Variants in UNKL observed in about 807,000 individuals in gnomAD.
UNKL encodes the protein putative E3 ubiquitin-protein ligase UNKL.
In UNKL, 60 loss-of-function variants were observed where a neutral mutation model predicts 78.0. The observed-to-expected ratio is 0.77, with a 90% confidence interval of 0.63 to 0.95. The LOEUF (loss-of-function observed/expected upper bound fraction) is 0.95. UNKL is among the 40% of genes least tolerant of loss of function. The probability of loss-of-function intolerance (pLI) is 0.00; values close to 1 mark genes in which losing one functional copy is unlikely to be tolerated. For synonymous variants in UNKL, 608 were observed against 474.8 expected (o/e 1.28, Z -3.65); for missense variants, 1,159 against 1,045.7 (o/e 1.11, Z -1.49).
rs759530166 is a variant in UNKL, at chr16:1,366,368, A to G, written c.2074T>C (p.Cys692Arg). The G allele has an allele frequency of 3.1e-6, 5 of 1,602,186 alleles. No homozygotes were observed. Among genetic ancestry groups the G allele is most frequent in the East Asian group, 2.2e-5 (1 of 44,516 alleles). The change falls in exon 15 of 15, where the codon TGT (cysteine) becomes CGT (arginine). Residue 692 changes from cysteine (C) to arginine (R), a missense_variant. Physicochemically the swap from Cys to Arg is radical, Grantham distance 180. Coordinates refer to ENST00000389221, the MANE Select transcript of UNKL (RefSeq NM_001372107.1). Reference sequence around the variant, plus strand: ...TGGGCCCGCTCCCGGCAGGCCACACACTGCTTGGCGCGGAGCTGGAAGATC... The same window carrying G: ...TGGGCCCGCTCCCGGCAGGCCACACGCTGCTTGGCGCGGAGCTGGAAGATC... ...GVIFQLRAKQ[C>R]VACRERAHGA...
At position 1,367,330 on chromosome 16, in the gene UNKL, C is replaced by A. The variant is rs1057365407; in HGVS notation, c.1808G>T (p.Arg603Leu). 66 of 1,545,772 alleles carry A rather than the reference C, an allele frequency of 4.3e-5. No homozygotes were observed. The highest frequency in any genetic ancestry group is 1.7e-4 in the Middle Eastern group (1 of 5,854). The change falls in exon 14 of 15, where the codon CGA becomes CTA. Residue 603 changes from arginine (R) to leucine (L), a missense_variant. Physicochemically the swap from Arg to Leu is moderately radical, Grantham distance 102. Coordinates refer to ENST00000389221, the MANE Select transcript of UNKL (RefSeq NM_001372107.1). ...ACGCTCCTTGGCCTCCTGCGCCTCT[C>A]GCTGCCAGGCATCGCAGACCTGAAA... ...QVKQVCDAWQ[R>L]EAQEAKERAR...
chr16:1,397,180 CG>C lies in UNKL; in HGVS notation c.849del (p.Glu284ArgfsTer35). 1 of 1,547,440 alleles carries C rather than the reference CG, an allele frequency of 6.5e-7. No homozygotes were observed. The highest frequency in any genetic ancestry group is 8.7e-7 in the Non-Finnish European group (1 of 1,146,936). The stretch of plus-strand genomic sequence containing the variant: ...CCTGGGGGGTTGGAGGGACGTACCT[CG>C]GGATGGAACTGCTGCTCCGTGCGGG... Reference protein sequence around the residue: ...CHSRTEQQFHPEIYKSTKCND... With the variant: ...CHSRTEQQFHXEIYKSTKCND... On this transcript the variant is annotated frameshift_variant, in exon 6 of 15. Coordinates refer to ENST00000389221, the MANE Select transcript of UNKL (RefSeq NM_001372107.1). LOFTEE classifies it high-confidence loss of function.
chr16:1,385,433 A>G, intron 9 of UNKL, 48 bp from the exon 10 acceptor site: 1 of 1,284,594 alleles, frequency 7.8e-7, no homozygotes, highest in East Asian at 3.2e-5. Context: ...TGCGTGGAGG[A>G]GGCAGCGCCA....
rs1042880412 is a variant in UNKL, at chr16:1,410,564, G to A, written c.287+3282C>T. ...AGAGGTTGCGGTGAGCCGAGATCAC[G>A]CCACTGCACTCCAGCCTGGGTGACA... On this transcript the variant is annotated intron_variant, in intron 2 of 14. Coordinates refer to ENST00000389221, the MANE Select transcript of UNKL (RefSeq NM_001372107.1). Among the ~76,000 whole-genome samples, 7 of 149,678 alleles carry A rather than the reference G, an allele frequency of 4.7e-5. No homozygotes were observed. In the East Asian group the frequency reaches 1.2e-3, roughly 26 times the overall value.
At chr16:1,380,527 A>C (rs2036561981) in intron 10 of UNKL, among the ~76,000 whole-genome samples, 1 of 151,898 alleles carries the variant, frequency 6.6e-6, no homozygotes, top group Non-Finnish European at 1.5e-5. Context: ...ACATGGACAG[A>C]GGAAAAAAGT....
chr16:1,366,514 G>A (rs2035266685), intron 14 of UNKL, 119 bp from the exon 15 acceptor site: 1 of 1,324,212 alleles, frequency 7.6e-7, no homozygotes, highest in Non-Finnish European at 1.0e-6. Context: ...ACCAGCTACA[G>A]AGACAGGGTC....
intron 9 of UNKL, 31 bp downstream of exon 9, chr16:1,390,601 C>A: frequency 7.2e-6 from 11 of 1,535,332 alleles, no homozygotes; most frequent in Non-Finnish European, 8.7e-6. Flanking sequence ...CGACATCAGG[C>A]ACGAGGGTGG....
rs1879330825 is a variant in UNKL at position 1,387,190 on chromosome 16, G to A, written c.1087-1805C>T. Among the ~76,000 whole-genome samples the A allele has an allele frequency of 6.6e-6, 1 of 151,336 alleles. No individual in the cohort carries two copies. Among genetic ancestry groups the A allele is most frequent in the South Asian group, 2.1e-4 (1 of 4,808 alleles). On this transcript the variant is annotated intron_variant, in intron 9 of 14. Transcript: ENST00000389221. This position sits in a 1 kb window ranked among gnomAD's most constrained non-coding sequence, Gnocchi z 4.1. ...CAGCACCGGGGACCCTCCCAGCCAT[G>A]CAACACCGGGGACACTCCCAGCCAT... is the stretch of plus-strand genomic sequence containing the variant.
In UNKL at chr16:1,370,287, G is replaced by C. The variant is rs1231690799; in HGVS notation, c.1428C>G (p.His476Gln). Reference sequence around the variant, plus strand: ...GCGAGGTGGACGCAGAGGATGGCGAGTGTAGCGATGGTGCTCTGGGCAGGG... The same window carrying C: ...GCGAGGTGGACGCAGAGGATGGCGACTGTAGCGATGGTGCTCTGGGCAGGG... ...PGSLPRAPSL[H>Q]SPSSASTSPL... Residue 476 changes from histidine to glutamine, a missense_variant, in exon 12 of 15, where the codon CAC (histidine) becomes CAG (glutamine). By Grantham distance (24) the His-to-Gln change is conservative. Coordinates refer to ENST00000389221, the MANE Select transcript of UNKL (RefSeq NM_001372107.1). 6.5e-7 allele frequency: 1 copy of C among 1,534,548 alleles called. No homozygotes were observed. Among genetic ancestry groups the C allele is most frequent in the Admixed American group, 2.0e-5 (1 of 50,840 alleles).
At chr16:1,375,090 C>T (rs1567207856) in intron 10 of UNKL, among the ~76,000 whole-genome samples, 1 of 152,156 alleles carries the variant, frequency 6.6e-6, no homozygotes, top group Non-Finnish European at 1.5e-5. Flanking sequence ...GCGGGTGGCC[C>T]CTCGCCCGAG....
At chr16:1,402,887 G>A (rs1177438854) in intron 3 of UNKL, among the ~76,000 whole-genome samples, 1 of 151,852 alleles carries the variant, frequency 6.6e-6, no homozygotes, top group African/African-American at 2.4e-5. Flanking sequence ...AGCTACTCGG[G>A]CAGCGGAGGC....
rs74445738 is a variant in UNKL at position 1,403,717 on chromosome 16, C to G, written c.288-373G>C. ...TGGGAATGAGAGTTCATGCCCTGCA[C>G]GCAGGCTGCGTCACCTTCCTTACCC... On this transcript the variant is annotated intron_variant, in intron 2 of 14. Transcript: ENST00000389221. The surrounding 1 kb of genome is among the most constrained non-coding windows in gnomAD (Gnocchi z 4.8). Among the ~76,000 whole-genome samples, 1,255 of 152,326 alleles carry G rather than the reference C, an allele frequency of 8.2e-3. 19 individuals carry two copies. The highest frequency in any genetic ancestry group is 0.029 in the African/African-American group (1,198 of 41,564).
At chr16:1,379,589 C>G (rs980603624) in intron 10 of UNKL, 268 of 985,160 alleles carry the variant, frequency 2.7e-4, no homozygotes, top group Non-Finnish European at 3.0e-4. Flanking sequence ...TAACGAGACC[C>G]GCACCTTGGC....
At chr16:1,391,856 T>C (rs112672371) in intron 8 of UNKL, among the ~76,000 whole-genome samples, 114 of 151,852 alleles carry the variant, frequency 7.5e-4, no homozygotes, top group African/African-American at 2.7e-3. Flanking sequence ...CCCGGCTAAT[T>C]TGTGTATTTT....
chr16:1,385,174 G>C, intron 10 of UNKL, 34 bp downstream of exon 10: 4 of 1,242,912 alleles, frequency 3.2e-6, no homozygotes, highest in South Asian at 3.3e-5. Flanking sequence ...CACAGAAGGA[G>C]GTCAGGGAGA....
rs750185144 is a variant in UNKL at position 1,398,935 on chromosome 16, C to T, written c.734+439G>A. 8 of 1,548,890 alleles carry T rather than the reference C, an allele frequency of 5.2e-6. No individual in the cohort carries two copies. In the African/African-American group the frequency reaches 1.1e-4, roughly 21 times the overall value. ...TCAGCCTAAGGACCCGGCGTCCCAGCTGCCAGCTGTGAAGACAAGATTGAG... is the reference window on the plus strand; with the variant it reads ...TCAGCCTAAGGACCCGGCGTCCCAGTTGCCAGCTGTGAAGACAAGATTGAG... On this transcript the variant is annotated intron_variant, in intron 5 of 14. Transcript: ENST00000389221.
intron 4 of UNKL, chr16:1,401,270 C>T (rs778119150): frequency 3.3e-5 from 10 of 302,996 alleles, no homozygotes; most frequent in Admixed American, 5.0e-5. Context: ...GGACGCCTCA[C>T]GAGTTCCGGT....
At chr16:1,392,592 A>G (rs2037093951) in intron 8 of UNKL, among the ~76,000 whole-genome samples, 1 of 151,634 alleles carries the variant, frequency 6.6e-6, no homozygotes, top group Non-Finnish European at 1.5e-5. Context: ...CCACCACCAC[A>G]CCTGGTTAAT....
At chr16:1,386,571 C>T (rs911510252) in intron 9 of UNKL, among the ~76,000 whole-genome samples, 4 of 152,052 alleles carry the variant, frequency 2.6e-5, no homozygotes, top group African/African-American at 9.7e-5. Context: ...TGAATTGCAT[C>T]CTGAAATATT....
Sources: gnomAD v4.1 joint callset for allele counts (sites outside exome capture counted in the v4.1 genomes callset) on GRCh38, gnomAD v4.1.1 for gene constraint, Gnocchi (gnomAD v3.1) non-coding constraint, MANE v1.5 for transcripts, NCBI Gene and HGNC (gene_info 2026-07-23, HGNC 2026-07-21) for gene names.